BRINP3: variants seen among roughly 807,000 people sequenced by gnomAD.
BRINP3 encodes the protein BMP/retinoic acid inducible neural specific 3.
BRINP3 carries 19 observed loss-of-function variants against 71.0 expected under a neutral mutation model. The observed-to-expected ratio is 0.27, with a 90% CI of 0.19 to 0.39. The LOEUF (loss-of-function observed/expected upper bound fraction) is 0.39, where lower values mean the gene tolerates loss of function less well. Among genes scored for constraint, BRINP3 ranks in the 10% least tolerant of loss-of-function variants. BRINP3 has a pLI of 1.00. For synonymous variants in BRINP3, 380 were observed against 337.7 expected (o/e 1.13, Z -1.37); for missense variants, 959 against 940.8 (o/e 1.02, Z -0.25).
chr1:190,213,673 T>C (rs899929034), intron 6 of BRINP3, among the ~76,000 whole-genome samples: 2 of 151,922 alleles, frequency 1.3e-5, no homozygotes, highest in African/African-American at 4.8e-5. Flanking sequence ...AGGGATAATG[T>C]CCAATAAAAG....
intron 7 of BRINP3, among the ~76,000 whole-genome samples, chr1:190,101,888 T>G (rs1190808316): frequency 6.6e-6 from 1 of 152,196 alleles, no homozygotes; most frequent in Non-Finnish European, 1.5e-5. Flanking sequence ...TTTTTTCAGC[T>G]TTCTGTCTTT....
chr1:190,126,432 GTTCTGGATATTCCAGAGGTATATCC>G (rs1654093392), intron 7 of BRINP3, among the ~76,000 whole-genome samples: 1 of 151,836 alleles, frequency 6.6e-6, no homozygotes, highest in African/African-American at 2.4e-5. Context: ...CCTCTGTGCT[GTTCTGGATATTCCAGAGGTATATCC>G]TGTTAAAATA....
rs188269087 is a variant in BRINP3 at position 190,236,997 on chromosome 1, T to C, written c.619-2520A>G. Among the ~76,000 whole-genome samples, 8 of 151,986 alleles carry C rather than the reference T, an allele frequency of 5.3e-5. No individual in the cohort carries two copies. In the East Asian group the frequency reaches 9.7e-4, roughly 18 times the overall value. Reference sequence around the variant, plus strand: ...GAAGGTAAACTCCTCTAACACTTCATCCTTAAAAGAAGGTAAATAATATTA... The same window carrying C: ...GAAGGTAAACTCCTCTAACACTTCACCCTTAAAAGAAGGTAAATAATATTA... On this transcript the variant is annotated intron_variant, in intron 4 of 7. Transcript: ENST00000367462.
intron 1 of BRINP3, among the ~76,000 whole-genome samples, chr1:190,465,686 T>G (rs2102683579): frequency 6.6e-6 from 1 of 152,040 alleles, no homozygotes; most frequent in Non-Finnish European, 1.5e-5. Flanking sequence ...ATTCTACTTT[T>G]TCTTGTTGAG....
intron 2 of BRINP3, among the ~76,000 whole-genome samples, chr1:190,349,638 G>A (rs1668244650): frequency 6.6e-6 from 1 of 152,020 alleles, no homozygotes; most frequent in Non-Finnish European, 1.5e-5. Flanking sequence ...TTCTAAATAG[G>A]CTTCTACAGC....
At chr1:190,439,962 TTGAA>T (rs1473031105) in intron 2 of BRINP3, among the ~76,000 whole-genome samples, 3 of 151,922 alleles carry the variant, frequency 2.0e-5, no homozygotes, top group Non-Finnish European at 4.4e-5. Flanking sequence ...GAACAATACT[TTGAA>T]TAACCACTTT....
At position 190,450,731 on chromosome 1, in the gene BRINP3, A is replaced by G. The variant is rs556977123; in HGVS notation, c.236+3924T>C. On this transcript the variant is annotated intron_variant, in intron 2 of 7. Coordinates refer to ENST00000367462, the MANE Select transcript of BRINP3 (RefSeq NM_199051.3). ...GAAATTTAGTATTTTTGCCTTTCCTATTGAGATCATTATTCCATATAAAAT... is the reference window on the plus strand; with the variant it reads ...GAAATTTAGTATTTTTGCCTTTCCTGTTGAGATCATTATTCCATATAAAAT... Among the ~76,000 whole-genome samples, 24 of 151,954 alleles carry G rather than the reference A, an allele frequency of 1.6e-4. No individual in the cohort carries two copies. In the South Asian group the frequency reaches 4.0e-3, roughly 25 times the overall value.
chr1:190,137,109 C>A (rs1655036234), intron 7 of BRINP3, among the ~76,000 whole-genome samples: 1 of 151,902 alleles, frequency 6.6e-6, no homozygotes, highest in Non-Finnish European at 1.5e-5. Flanking sequence ...AATGAAAGAA[C>A]CATGATTTGA....
At chr1:190,377,647 TAC>T (rs36021596) in intron 2 of BRINP3, among the ~76,000 whole-genome samples, 2 of 149,662 alleles carry the variant, frequency 1.3e-5, no homozygotes. Flanking sequence ...AGTACACACA[TAC>T]ACACACACAA....
Position 190,166,868 on chromosome 1 carries a change from C to A in BRINP3, c.962-5978G>T, listed in dbSNP as rs537373635. Among the ~76,000 whole-genome samples the A allele has an allele frequency of 2.0e-5, 3 of 152,046 alleles. No individual in the cohort carries two copies. In the East Asian group the frequency reaches 5.8e-4, roughly 30 times the overall value. On this transcript the variant is annotated intron_variant, in intron 6 of 7. Coordinates refer to ENST00000367462, the MANE Select transcript of BRINP3 (RefSeq NM_199051.3). ...CCTCCCAAGTAGCTGGGATTACAGG[C>A]GCATACCACTACTTCCGGCTAGTTT...
At chr1:190,208,275 A>G (rs1655691145) in intron 6 of BRINP3, among the ~76,000 whole-genome samples, 1 of 151,918 alleles carries the variant, frequency 6.6e-6, no homozygotes, top group African/African-American at 2.4e-5. Context: ...ACATACTCTT[A>G]TATCATGTGT....
At chr1:190,126,238 A>G (rs2102335313) in intron 7 of BRINP3, among the ~76,000 whole-genome samples, 1 of 152,174 alleles carries the variant, frequency 6.6e-6, no homozygotes, top group East Asian at 1.9e-4. Flanking sequence ...AAAATAAATC[A>G]TTAAAAGTAA....
intron 4 of BRINP3, among the ~76,000 whole-genome samples, chr1:190,248,261 G>GT (rs374563749): frequency 1.3e-4 from 20 of 149,978 alleles, no homozygotes; most frequent in South Asian, 4.2e-4. Flanking sequence ...ATTTTCCTTT[G>GT]TTTTTTTTAA....
intron 2 of BRINP3, among the ~76,000 whole-genome samples, chr1:190,316,287 T>C (rs1356622190): frequency 1.3e-5 from 2 of 152,130 alleles, no homozygotes; most frequent in African/African-American, 4.8e-5. Context: ...GATTCAATTA[T>C]TGACTTCATT....
At chr1:190,327,043 C>T (rs546840369) in intron 2 of BRINP3, among the ~76,000 whole-genome samples, 5 of 150,466 alleles carry the variant, frequency 3.3e-5, no homozygotes, top group African/African-American at 9.7e-5. Context: ...AAGCCTGGCA[C>T]GGTGTCTCAT....
intron 1 of BRINP3, among the ~76,000 whole-genome samples, chr1:190,476,484 T>A (rs12095861): frequency 0.012 from 1,753 of 152,150 alleles, 37 homozygotes; most frequent in African/African-American, 0.039. Context: ...AAAGTAAAGA[T>A]TAAAATGTTT....
intron 4 of BRINP3, among the ~76,000 whole-genome samples, chr1:190,236,227 C>A (rs1658506220): frequency 6.6e-6 from 1 of 151,898 alleles, no homozygotes; most frequent in Non-Finnish European, 1.5e-5. Context: ...GAGAGAAAGG[C>A]CACTGAGGTT....
intron 2 of BRINP3, among the ~76,000 whole-genome samples, chr1:190,417,594 T>C (rs1316099913): frequency 6.6e-6 from 1 of 152,150 alleles, no homozygotes; most frequent in Non-Finnish European, 1.5e-5. Flanking sequence ...ACATACTTGA[T>C]ACAAACATAC....
At chr1:190,233,973 A>G (rs1262118760) in intron 5 of BRINP3, among the ~76,000 whole-genome samples, 1 of 152,196 alleles carries the variant, frequency 6.6e-6, no homozygotes, top group Non-Finnish European at 1.5e-5. Context: ...ACATTAGGTT[A>G]TATATAAAAT....
Sources: gnomAD v4.1 joint callset for allele counts (sites outside exome capture counted in the v4.1 genomes callset) on GRCh38, gnomAD v4.1.1 for gene constraint, MANE v1.5 for transcripts, NCBI Gene and HGNC (gene_info 2026-07-23, HGNC 2026-07-21) for gene names.